GRIK1: variants seen among roughly 807,000 people sequenced by gnomAD.
The protein encoded by GRIK1 is glutamate ionotropic receptor kainate type subunit 1, also known as glutamate receptor ionotropic, kainate 1.
A neutral mutation model predicts 105.7 loss-of-function variants in GRIK1; 69 were observed. The observed-to-expected ratio is 0.65, with a 90% CI of 0.54 to 0.80. The LOEUF (loss-of-function observed/expected upper bound fraction) is 0.80. GRIK1 is among the 30% of genes least tolerant of loss of function. GRIK1 has a pLI of 0.00. For missense variants in GRIK1, 1,109 were observed against 1,167.3 expected (o/e 0.95, Z 0.73); for synonymous variants, 438 against 431.3 (o/e 1.02, Z -0.19).
At chr21:29,905,983 C>T (rs1032137418) in intron 1 of GRIK1, among the ~76,000 whole-genome samples, 7 of 151,722 alleles carry the variant, frequency 4.6e-5, no homozygotes, top group Admixed American at 3.9e-4. Context: ...TGTTATTGCC[C>T]GGTGGAGTGT....
chr21:29,744,573 T>G (rs1455587925), intron 1 of GRIK1, among the ~76,000 whole-genome samples: 3 of 152,174 alleles, frequency 2.0e-5, no homozygotes, highest in Non-Finnish European at 4.4e-5. Flanking sequence ...TTTTTTTTTT[T>G]TTTTCCTCCC....
At position 29,783,590 on chromosome 21, in the gene GRIK1, T is replaced by A. The variant is rs541725656; in HGVS notation, c.119-89527A>T. On this transcript the variant is annotated intron_variant, in intron 1 of 17. Coordinates refer to ENST00000327783, the MANE Select transcript of GRIK1 (RefSeq NM_001330994.2). ...ATTTTTTAGCATTAAAATTTTTCAA[T>A]CCATATCAAATGAACTCAGTGAGAT... 7.2e-5 allele frequency among the ~76,000 whole-genome samples: 11 copies of A among 152,320 alleles called. No homozygotes were observed. In the East Asian group the frequency reaches 1.5e-3, roughly 21 times the overall value.
intron 1 of GRIK1, among the ~76,000 whole-genome samples, chr21:29,871,495 C>G (rs577270384): frequency 5.9e-5 from 9 of 152,106 alleles, no homozygotes; most frequent in African/African-American, 2.2e-4. Context: ...TGACTGAGTT[C>G]GACCTAAAAT....
intron 14 of GRIK1, 96 bp from the exon 15 acceptor site, chr21:29,561,945 A>C: frequency 1.4e-6 from 1 of 714,990 alleles, no homozygotes; most frequent in South Asian, 1.6e-5. Context: ...AATGATAGGG[A>C]GGATACTTTC....
chr21:29,917,242 C>T (rs943383942), intron 1 of GRIK1, among the ~76,000 whole-genome samples: 2 of 151,946 alleles, frequency 1.3e-5, no homozygotes, highest in African/African-American at 2.4e-5. Flanking sequence ...AACAGACAAA[C>T]GTTAAAATAT....
intron 1 of GRIK1, among the ~76,000 whole-genome samples, chr21:29,922,047 A>G (rs2146327990): frequency 6.6e-6 from 1 of 152,274 alleles, no homozygotes; most frequent in East Asian, 1.9e-4. Context: ...CCCAATCTAG[A>G]TTATGCAAGC....
At chr21:29,752,950 C>G (rs946252995) in intron 1 of GRIK1, among the ~76,000 whole-genome samples, 4 of 152,226 alleles carry the variant, frequency 2.6e-5, no homozygotes, top group Non-Finnish European at 5.9e-5. Context: ...CTTAGAAATG[C>G]TGGACAAGTT....
chr21:29,851,971 T>TATC (rs2068320611), intron 1 of GRIK1, among the ~76,000 whole-genome samples: 1 of 152,230 alleles, frequency 6.6e-6, no homozygotes, highest in Admixed American at 6.5e-5. Context: ...AGATGTGACA[T>TATC]ATCAGTGCCA....
chr21:29,871,548 T>C (rs949335598), intron 1 of GRIK1, among the ~76,000 whole-genome samples: 5 of 152,126 alleles, frequency 3.3e-5, no homozygotes, highest in Non-Finnish European at 5.9e-5. Flanking sequence ...ATCTGGTCTC[T>C]ACCACGAAGG....
At chr21:29,840,293 A>G (rs544318686) in intron 1 of GRIK1, among the ~76,000 whole-genome samples, 1 of 152,350 alleles carries the variant, frequency 6.6e-6, no homozygotes, top group African/African-American at 2.4e-5. Flanking sequence ...GGGGATCTGA[A>G]GTCTCAAAGT....
intron 16 of GRIK1, among the ~76,000 whole-genome samples, chr21:29,539,920 A>AC (rs1288839650): frequency 6.6e-6 from 1 of 152,200 alleles, no homozygotes; most frequent in Non-Finnish European, 1.5e-5. Flanking sequence ...TCATCTACAC[A>AC]TTACCTTTTA....
At chr21:29,811,354 A>G (rs912299301) in intron 1 of GRIK1, among the ~76,000 whole-genome samples, 2 of 152,118 alleles carry the variant, frequency 1.3e-5, no homozygotes, top group Non-Finnish European at 2.9e-5. Context: ...GCATATTGAT[A>G]TTTATGCCAT....
At position 29,560,278 on chromosome 21, in the gene GRIK1, G is replaced by GTT. The variant is rs200019884; in HGVS notation, c.2356+1344_2356+1345dup. ...CTATACCAGGACCTTATATGATACA[G>GTT]TTTTCTTTCTTTCTTTCTTTCTTTC... On this transcript the variant is annotated intron_variant, in intron 15 of 17. Transcript: ENST00000327783. Among the ~76,000 whole-genome samples, 7 of 124,620 alleles carry GTT rather than the reference G, an allele frequency of 5.6e-5. No individual in the cohort carries two copies. In the South Asian group the frequency reaches 1.8e-3, roughly 33 times the overall value. 81.8% of individuals were successfully genotyped at this position (124,620 alleles called of 152,430 possible). A position where few individuals can be genotyped will look rare whatever the true frequency, so the allele number is the denominator to read the frequency against.
rs1181672304 is a variant in GRIK1, at chr21:29,926,116, A to G, written c.118+13267T>C. Among the ~76,000 whole-genome samples the G allele has an allele frequency of 4.6e-5, 7 of 152,134 alleles. No individual in the cohort carries two copies. In the East Asian group the frequency reaches 1.3e-3, roughly 29 times the overall value. On this transcript the variant is annotated intron_variant, in intron 1 of 17. Coordinates refer to ENST00000327783, the MANE Select transcript of GRIK1 (RefSeq NM_001330994.2). The stretch of plus-strand genomic sequence containing the variant: ...AGATCATAAAAAGCTAAAAAAAAAA[A>G]AAAAACTTGCAAGGTATGTATAGTT...
At chr21:29,713,032 A>G (rs2064095361) in intron 1 of GRIK1, among the ~76,000 whole-genome samples, 1 of 151,706 alleles carries the variant, frequency 6.6e-6, no homozygotes, top group Non-Finnish European at 1.5e-5. Context: ...CTCTTGCTGG[A>G]CTTTTGTATG....
At chr21:29,572,623 T>C (rs1229686430) in intron 14 of GRIK1, among the ~76,000 whole-genome samples, 2 of 152,228 alleles carry the variant, frequency 1.3e-5, no homozygotes, top group Non-Finnish European at 2.9e-5. Context: ...CTCATGGAAC[T>C]GACTTTCTAG....
At chr21:29,620,786 TATATATCTATATATATATAG>T (rs2061970747) in intron 7 of GRIK1, among the ~76,000 whole-genome samples, 1 of 113,814 alleles carries the variant, frequency 8.8e-6, no homozygotes, top group African/African-American at 4.8e-5. Flanking sequence ...TATATAGATA[TATATATCTATATATATATAG>T]ATATATATAT....
chr21:29,603,787 C>A (rs1256481174), intron 7 of GRIK1, among the ~76,000 whole-genome samples: 1 of 152,194 alleles, frequency 6.6e-6, no homozygotes, highest in Non-Finnish European at 1.5e-5. Flanking sequence ...GAGTGGAAAT[C>A]TCCACTGTGT....
At chr21:29,913,678 T>A (rs1041723681) in intron 1 of GRIK1, among the ~76,000 whole-genome samples, 7 of 150,338 alleles carry the variant, frequency 4.7e-5, no homozygotes, top group Non-Finnish European at 7.4e-5. Context: ...ACTAAATATA[T>A]ATATATATAT....
Sources: allele counts gnomAD v4.1 joint callset (sites outside exome capture counted in the v4.1 genomes callset), GRCh38; gene constraint gnomAD v4.1.1; transcripts MANE v1.5; gene names NCBI Gene and HGNC (gene_info 2026-07-23, HGNC 2026-07-21).